TCTN3: variants seen among roughly 807,000 people sequenced by gnomAD.
TCTN3 encodes tectonic family member 3, also known as tectonic-3.
TCTN3 carries 57 observed loss-of-function variants against 71.3 expected under a neutral mutation model. The ratio of observed to expected loss-of-function variants is 0.80; its 90% CI spans 0.65 to 1.00. The LOEUF is 1.00. TCTN3 is among the 50% of genes least tolerant of loss of function. TCTN3 has a pLI of 0.00. For missense variants in TCTN3, 696 were observed against 719.9 expected (o/e 0.97, Z 0.38); for synonymous variants, 258 against 267.8 (o/e 0.96, Z 0.36).
At chr10:95,692,436 G>A (rs1158858339) in intron 3 of TCTN3, among the ~76,000 whole-genome samples, 3 of 152,082 alleles carry the variant, frequency 2.0e-5, no homozygotes, top group Non-Finnish European at 4.4e-5. Context: ...AATCCGGGAG[G>A]TGGAGGTTGC....
Position 95,693,445 on chromosome 10 carries a change from A to G in TCTN3, c.288T>C (p.Pro96=). The change falls in exon 2 of 14, where the codon CCT becomes CCC. Residue 96 remains proline (P), a synonymous_variant. Coordinates refer to ENST00000371217, the MANE Select transcript of TCTN3 (RefSeq NM_015631.6). ...VLPICVCDLT[P]GACDINCCCD... Reference sequence around the variant, plus strand: ...AGCAGCAATTTATATCGCAGGCTCCAGGAGTCAAGTCACAGACACAGATCG... The same window carrying G: ...AGCAGCAATTTATATCGCAGGCTCCGGGAGTCAAGTCACAGACACAGATCG... The G allele has an allele frequency of 6.4e-7, 1 of 1,552,188 alleles. No homozygotes were observed. Among genetic ancestry groups the G allele is most frequent in the Non-Finnish European group, 8.7e-7 (1 of 1,147,106 alleles).
At chr10:95,668,333 C>A (rs905587076) in intron 13 of TCTN3, among the ~76,000 whole-genome samples, 2 of 148,518 alleles carry the variant, frequency 1.3e-5, no homozygotes, top group Non-Finnish European at 3.0e-5. Context: ...ATAGAAAATT[C>A]TCAGAACTGA....
Position 95,693,387 on chromosome 10 carries a change from T to A in TCTN3, c.346A>T (p.Thr116Ser). 6.4e-7 allele frequency: 1 copy of A among 1,551,866 alleles called. No homozygotes were observed. Among genetic ancestry groups the A allele is most frequent in the Non-Finnish European group, 8.7e-7 (1 of 1,147,012 alleles). ...DRDCYLLHPRTVFSFCLPGSV... is the reference protein window; with the variant it reads ...DRDCYLLHPRSVFSFCLPGSV... ...CCTGGAAGGCAGAAGGAGAAAACTGTCCTCGGATGGAGAAGATAGCAGTCC... is the reference window on the plus strand; with the variant it reads ...CCTGGAAGGCAGAAGGAGAAAACTGACCTCGGATGGAGAAGATAGCAGTCC... Residue 116 changes from threonine to serine, a missense_variant, in exon 2 of 14, where the codon ACA becomes TCA. By Grantham distance (58) the Thr-to-Ser change is moderately conservative. Transcript: ENST00000371217.
At chr10:95,682,443 G>A (rs1262509190) in intron 12 of TCTN3, among the ~76,000 whole-genome samples, 2 of 151,666 alleles carry the variant, frequency 1.3e-5, no homozygotes, top group Non-Finnish European at 2.9e-5. Context: ...GCAGTGAACC[G>A]AGATCATGCC....
intron 13 of TCTN3, among the ~76,000 whole-genome samples, chr10:95,670,536 A>AT (rs908806919): frequency 4.1e-5 from 6 of 147,332 alleles, no homozygotes; most frequent in Admixed American, 6.8e-5. Flanking sequence ...TTTTTTGTAT[A>AT]TTTTTTTTTT....
chr10:95,692,758 A>G, intron 3 of TCTN3, 162 bp downstream of exon 3: 1 of 596,370 alleles, frequency 1.7e-6, no homozygotes, highest in Non-Finnish European at 2.9e-6. Context: ...AACATTTGAC[A>G]TTTTTTTTGC....
intron 13 of TCTN3, among the ~76,000 whole-genome samples, chr10:95,671,639 T>C (rs545254546): frequency 1.3e-5 from 2 of 152,380 alleles, no homozygotes; most frequent in South Asian, 4.1e-4. Flanking sequence ...AACAAATTCA[T>C]CTTTGGTACA....
rs371440397 is a variant in TCTN3, at chr10:95,687,095, G to A, written c.801C>T (p.Thr267=). Reference sequence around the variant, plus strand: ...AGGCAGCATTGAGGGCTGAATCCAAGGTACAGCTACTAGCCAGGTTCTTGA... The same window carrying A: ...AGGCAGCATTGAGGGCTGAATCCAAAGTACAGCTACTAGCCAGGTTCTTGA... ...RFFKNLASSC[T]LDSALNAASY... is the part of the protein sequence containing the mutation. Residue 267 remains threonine, a synonymous_variant, in exon 6 of 14, where the codon ACC becomes ACT. Transcript: ENST00000371217. 1.5e-5 allele frequency: 24 copies of A among 1,614,074 alleles called. No homozygotes were observed. The highest frequency in any genetic ancestry group is 2.0e-5 in the Non-Finnish European group (24 of 1,180,040).
chr10:95,669,392 C>G (rs1229986878), intron 13 of TCTN3, among the ~76,000 whole-genome samples: 1 of 152,150 alleles, frequency 6.6e-6, no homozygotes. Context: ...ATCAAAATAA[C>G]ACATGGATCC....
At chr10:95,665,789 C>T (rs970863557) in intron 13 of TCTN3, among the ~76,000 whole-genome samples, 2 of 151,866 alleles carry the variant, frequency 1.3e-5, no homozygotes, top group African/African-American at 2.4e-5. Flanking sequence ...TGTTTATAGT[C>T]CTAGGAAAAT....
chr10:95,693,048 A>G lies in TCTN3; in HGVS notation c.381-10T>C. 1 of 1,589,854 alleles carries G rather than the reference A, an allele frequency of 6.3e-7. No individual in the cohort carries two copies. Among genetic ancestry groups the G allele is most frequent in the Non-Finnish European group, 8.6e-7 (1 of 1,160,966 alleles). On this transcript the variant is annotated splice_polypyrimidine_tract_variant and intron_variant, in intron 2 of 13. Transcript: ENST00000371217. The stretch of plus-strand genomic sequence containing the variant: ...AACCCAGCTTGAAGACCTGTGAGGA[A>G]AGAGGAGGGAGAAGATATATTTAGA...
intron 12 of TCTN3, among the ~76,000 whole-genome samples, chr10:95,682,108 T>C (rs1296199782): frequency 6.7e-6 from 1 of 149,862 alleles, no homozygotes. Flanking sequence ...GGTGGGAGGA[T>C]AGCCTGGGCC....
At chr10:95,670,273 G>A (rs896513609) in intron 13 of TCTN3, among the ~76,000 whole-genome samples, 2 of 152,128 alleles carry the variant, frequency 1.3e-5, no homozygotes, top group African/African-American at 2.4e-5. Context: ...CAGCCTAGTA[G>A]ATACTCCAAT....
chr10:95,682,217 C>T lies in TCTN3; in HGVS notation c.1452+434G>A, dbSNP rs192689854. 5.0e-3 allele frequency among the ~76,000 whole-genome samples: 664 copies of T among 131,820 alleles called. 2 individuals carry two copies. The highest frequency in any genetic ancestry group is 0.03 in the Middle Eastern group (5 of 168). The allele number at this position is 131,820 out of a possible 152,430, so 86.5% of individuals were successfully genotyped here. On this transcript the variant is annotated intron_variant, in intron 12 of 13. Coordinates refer to ENST00000371217, the MANE Select transcript of TCTN3 (RefSeq NM_015631.6). ...CTTAGAAAAAAAAAAAAAGGCCAGG[C>T]GCGGTGGCTCATGCCTGTAATCCCA...
intron 13 of TCTN3, among the ~76,000 whole-genome samples, chr10:95,679,206 A>C (rs1393486072): frequency 6.6e-6 from 1 of 151,956 alleles, no homozygotes; most frequent in Non-Finnish European, 1.5e-5. Context: ...ATACCCAGAC[A>C]AAAAAAAGGC....
intron 13 of TCTN3, among the ~76,000 whole-genome samples, chr10:95,664,840 G>T (rs1296278215): frequency 6.6e-6 from 1 of 152,186 alleles, no homozygotes; most frequent in African/African-American, 2.4e-5. Flanking sequence ...AACAGATGTA[G>T]CTTTGGTAGA....
intron 13 of TCTN3, among the ~76,000 whole-genome samples, chr10:95,678,692 G>A (rs555804960): frequency 6.6e-6 from 1 of 152,022 alleles, no homozygotes; most frequent in Non-Finnish European, 1.5e-5. Flanking sequence ...CAAGATTGAA[G>A]AAGTAAAAAA....
At chr10:95,664,330 C>A in intron 13 of TCTN3, 30 bp from the exon 14 acceptor site, 2 of 1,585,646 alleles carry the variant, frequency 1.3e-6, no homozygotes, top group Non-Finnish European at 1.7e-6. Context: ...GACAGGTCAG[C>A]GCTTGGTACC....
chr10:95,681,255 T>C (rs572367120), intron 12 of TCTN3, among the ~76,000 whole-genome samples: 1 of 152,080 alleles, frequency 6.6e-6, no homozygotes, highest in African/African-American at 2.4e-5. Context: ...TTTGTATTTT[T>C]AGTAGAGACA....
Sources: gnomAD v4.1 joint callset for allele counts (sites outside exome capture counted in the v4.1 genomes callset) on GRCh38, gnomAD v4.1.1 for gene constraint, MANE v1.5 for transcripts, NCBI Gene and HGNC (gene_info 2026-07-23, HGNC 2026-07-21) for gene names.